KLHL21: variants seen among roughly 807,000 people sequenced by gnomAD.
The protein encoded by KLHL21 is kelch-like protein 21.
A neutral mutation model predicts 44.1 loss-of-function variants in KLHL21; 42 were observed. That is an observed-to-expected ratio of 0.95 (90% confidence interval 0.74 to 1.23). The LOEUF (loss-of-function observed/expected upper bound fraction) is 1.23. Ranked by LOEUF, KLHL21 falls within the 50% of genes most tolerant of loss-of-function variation. KLHL21 has a pLI of 0.00. For missense variants in KLHL21, 918 were observed against 889.1 expected (o/e 1.03, Z -0.41); for synonymous variants, 524 against 411.6 (o/e 1.27, Z -3.31).
chr1:6,598,080 AG>A (rs1357891446), intron 2 of KLHL21, among the ~76,000 whole-genome samples: 4 of 152,250 alleles, frequency 2.6e-5, no homozygotes, highest in African/African-American at 9.6e-5. Flanking sequence ...AAATCGCTTA[AG>A]AAAGCCTGGG....
chr1:6,594,616 G>C (rs901550673), intron 3 of KLHL21: 7 of 152,230 alleles, frequency 4.6e-5, no homozygotes, highest in African/African-American at 1.7e-4. Flanking sequence ...TGAGGCGGGA[G>C]AATGGCGTGA....
Position 6,593,102 on chromosome 1 carries a change from G to A in KLHL21, c.*263C>T, listed in dbSNP as rs1047786798. The A allele has an allele frequency of 4.7e-5, 23 of 493,794 alleles. No individual in the cohort carries two copies. The highest frequency in any genetic ancestry group is 4.4e-5 in the Non-Finnish European group (12 of 275,158). 30.6% of individuals were successfully genotyped at this position (493,794 alleles called of 1,614,324 possible). Reference sequence around the variant, plus strand: ...TGGGTGAGCTGTGATCCGCGGGGTGGGGGTGACCTCCAAGACCCAGAAACA... The same window carrying A: ...TGGGTGAGCTGTGATCCGCGGGGTGAGGGTGACCTCCAAGACCCAGAAACA... On this transcript the variant is annotated 3_prime_UTR_variant, in exon 4 of 4. Coordinates refer to ENST00000377658, the MANE Select transcript of KLHL21 (RefSeq NM_014851.4).
chr1:6,602,847 G>A lies in KLHL21; in HGVS notation c.-30C>T, dbSNP rs1242458426. On this transcript the variant is annotated 5_prime_UTR_variant, in exon 1 of 4. Coordinates refer to ENST00000377658, the MANE Select transcript of KLHL21 (RefSeq NM_014851.4). ...CCTTCGATAGGTTGTCGAGGACGCC[G>A]CGGCCGGGGCCTGCGGAGAGACGCG... is the stretch of plus-strand genomic sequence containing the variant. 2.1e-6 allele frequency: 3 copies of A among 1,397,196 alleles called. No individual in the cohort carries two copies. The highest frequency in any genetic ancestry group is 2.8e-6 in the Non-Finnish European group (3 of 1,085,066). The allele number at this position is 1,397,196 out of a possible 1,614,324, so 86.5% of individuals were successfully genotyped here.
At chr1:6,596,983 G>A (rs114217941) in intron 2 of KLHL21, among the ~76,000 whole-genome samples, 4,960 of 152,300 alleles carry the variant, frequency 0.033, 280 homozygotes, top group African/African-American at 0.11. Context: ...GCCAAAGTGC[G>A]CAGACAAAGT....
rs910242377 is a variant in KLHL21, at chr1:6,594,997, G to A, written c.1500+488C>T. 4 of 207,328 alleles carry A rather than the reference G, an allele frequency of 1.9e-5. No homozygotes were observed. The South Asian group carries it at 3.9e-4, about 20-fold the overall frequency. 12.8% of individuals were successfully genotyped at this position (207,328 alleles called of 1,614,324 possible). A position where few individuals can be genotyped will look rare whatever the true frequency, so the allele number is the denominator to read the frequency against. Reference sequence around the variant, plus strand: ...ACTGCGAGTCAAGGAGGTGGAGGCTGCAGTGAGCCATGATTGTACCACTGC... The same window carrying A: ...ACTGCGAGTCAAGGAGGTGGAGGCTACAGTGAGCCATGATTGTACCACTGC... On this transcript the variant is annotated intron_variant, in intron 3 of 3. Coordinates refer to ENST00000377658, the MANE Select transcript of KLHL21 (RefSeq NM_014851.4).
In KLHL21 at chr1:6,599,163, C is replaced by T. The variant is rs757388924; in HGVS notation, c.1311G>A (p.Val437=). The part of the protein sequence containing the change: ...IGSLAGKETM[V]MQCYDPDTDL... ...CGGTGTCCGGGTCGTAGCACTGCAT[C>T]ACCATGGTCTCCTTGCCAGCCAGGG... Residue 437 remains valine (V), a synonymous_variant, in exon 2 of 4, where the codon GTG becomes GTA. Coordinates refer to ENST00000377658, the MANE Select transcript of KLHL21 (RefSeq NM_014851.4). 3.7e-6 allele frequency: 6 copies of T among 1,613,972 alleles called. No homozygotes were observed. In the African/African-American group the frequency reaches 6.7e-5, roughly 18 times the overall value.
chr1:6,594,056 A>G, intron 3 of KLHL21: 3 of 1,022,550 alleles, frequency 2.9e-6, no homozygotes, highest in Admixed American at 5.6e-5. Context: ...CTGAACCGCG[A>G]GGCTGGATGA....
Position 6,602,041 on chromosome 1 carries a change from G to A in KLHL21, c.777C>T (p.Asp259=), listed in dbSNP as rs1641030516. 4 of 1,526,676 alleles carry A rather than the reference G, an allele frequency of 2.6e-6. No homozygotes were observed. The highest frequency in any genetic ancestry group is 1.4e-5 in the African/African-American group (1 of 70,768). The allele number at this position is 1,526,676 out of a possible 1,614,324, so 94.6% of individuals were successfully genotyped here. A position where few individuals can be genotyped will look rare whatever the true frequency, so the allele number is the denominator to read the frequency against. The change falls in exon 1 of 4, where the codon GAC becomes GAT. Residue 259 remains aspartate, a synonymous_variant. Coordinates refer to ENST00000377658, the MANE Select transcript of KLHL21 (RefSeq NM_014851.4). ...GGCGGTCGTAGCGCGCCGCCTGGAA[G>A]TCGCGCGCCTCGCGCAGCAGGCGCA... ...PCLRLLREAR[D]FQAARYDRHD...
At chr1:6,595,931 C>T (rs1156311382) in intron 2 of KLHL21, among the ~76,000 whole-genome samples, 1 of 152,188 alleles carries the variant, frequency 6.6e-6, no homozygotes, top group Non-Finnish European at 1.5e-5. Context: ...CACTGTGCAT[C>T]CCCACAGGCC....
In KLHL21 at chr1:6,593,643, T is replaced by C; in HGVS notation, c.1516A>G (p.Ser506Gly). The C allele has an allele frequency of 6.3e-7, 1 of 1,582,004 alleles. No individual in the cohort carries two copies. The highest frequency in any genetic ancestry group is 8.6e-7 in the Non-Finnish European group (1 of 1,160,778). The change falls in exon 4 of 4, where the codon AGC becomes GGC. Residue 506 changes from serine (S) to glycine (G), a missense_variant. Ser to Gly is a moderately conservative substitution (Grantham distance 56, BLOSUM62 0). Coordinates refer to ENST00000377658, the MANE Select transcript of KLHL21 (RefSeq NM_014851.4). ...AGCTTCCCCCCAAGGACGGCCAGGC[T>C]GCCCCCCACATGTACCTGTGGGCCA... ...PSMNQVHVGG[S>G]LAVLGGKLYV...
intron 1 of KLHL21, among the ~76,000 whole-genome samples, chr1:6,600,704 G>A (rs904282135): frequency 6.6e-6 from 1 of 152,206 alleles, no homozygotes; most frequent in Non-Finnish European, 1.5e-5. Flanking sequence ...AGAAAGCTGG[G>A]GCCAGTGTGG....
Position 6,602,364 on chromosome 1 carries a change from C to T in KLHL21, c.454G>A (p.Gly152Arg). The part of the protein sequence containing the change: ...QDFAEAFSCS[G>R]LASAAQRFIL... ...AACCGCTGCGCCGCGCTCGCCAGTC[C>T]CGAGCAGCTGAAGGCCTCAGCGAAG... The change falls in exon 1 of 4, where the codon GGA becomes AGA. Residue 152 changes from glycine to arginine, a missense_variant. Gly to Arg is a moderately radical substitution (Grantham distance 125). Coordinates refer to ENST00000377658, the MANE Select transcript of KLHL21 (RefSeq NM_014851.4). 1 of 1,579,022 alleles carries T rather than the reference C, an allele frequency of 6.3e-7. No individual in the cohort carries two copies.
rs1640875489 is a variant in KLHL21 at position 6,593,170 on chromosome 1, C to T, written c.*195G>A. The T allele has an allele frequency of 8.8e-6, 5 of 567,284 alleles. No homozygotes were observed. The highest frequency in any genetic ancestry group is 8.6e-5 in the South Asian group (3 of 35,076). 35.1% of individuals were successfully genotyped at this position (567,284 alleles called of 1,614,324 possible). A position where few individuals can be genotyped will look rare whatever the true frequency, so the allele number is the denominator to read the frequency against. Reference sequence around the variant, plus strand: ...GGCTCTTCCTCAACTGCAGGGAGGGCGTTCCCGACGGCCTCTGATTCAGGC... The same window carrying T: ...GGCTCTTCCTCAACTGCAGGGAGGGTGTTCCCGACGGCCTCTGATTCAGGC... On this transcript the variant is annotated 3_prime_UTR_variant, in exon 4 of 4. Coordinates refer to ENST00000377658, the MANE Select transcript of KLHL21 (RefSeq NM_014851.4).
chr1:6,593,254 G>C lies in KLHL21; in HGVS notation c.*111C>G. The C allele has an allele frequency of 1.6e-6, 2 of 1,214,220 alleles. No individual in the cohort carries two copies. The highest frequency in any genetic ancestry group is 2.3e-6 in the Non-Finnish European group (2 of 882,888). The allele number at this position is 1,214,220 out of a possible 1,614,324, so 75.2% of individuals were successfully genotyped here. On this transcript the variant is annotated 3_prime_UTR_variant, in exon 4 of 4. Coordinates refer to ENST00000377658, the MANE Select transcript of KLHL21 (RefSeq NM_014851.4). ...CCTGGGCTGGCTTCGCCACCCAAGAGCCTGTGCTCCTCCTGTGAGCCCAAC... is the reference window on the plus strand; with the variant it reads ...CCTGGGCTGGCTTCGCCACCCAAGACCCTGTGCTCCTCCTGTGAGCCCAAC...
chr1:6,599,567 T>G (rs1194569035), intron 1 of KLHL21, 115 bp from the exon 2 acceptor site: 24 of 1,127,990 alleles, frequency 2.1e-5, no homozygotes, highest in Non-Finnish European at 2.8e-5. Flanking sequence ...TCACTGGGCT[T>G]CACCCCAGAC....
At position 6,590,884 on chromosome 1, in the gene KLHL21, T is replaced by G; in HGVS notation, c.*2481A>C. The stretch of plus-strand genomic sequence containing the variant: ...GTGGACACTGGAGGGAGGGCGTCCT[T>G]TATTACATACGCGTCTCTGAAGTCA... On this transcript the variant is annotated 3_prime_UTR_variant, in exon 4 of 4. Transcript: ENST00000377658. The G allele has an allele frequency of 2.5e-6, 1 of 398,592 alleles. No individual in the cohort carries two copies. The allele number at this position is 398,592 out of a possible 1,614,324, so 24.7% of individuals were successfully genotyped here.
chr1:6,591,168 G>A lies in KLHL21; in HGVS notation c.*2197C>T. The A allele has an allele frequency of 2.5e-6, 1 of 396,166 alleles. No individual in the cohort carries two copies. Among genetic ancestry groups the A allele is most frequent in the Non-Finnish European group, 4.4e-6 (1 of 225,046 alleles). 24.5% of individuals were successfully genotyped at this position (396,166 alleles called of 1,614,324 possible). ...CCCAGCTGGTGTCCACAGGCTAGAG[G>A]GACCCATTGCTGCAGAGGCTGGTGC... On this transcript the variant is annotated 3_prime_UTR_variant, in exon 4 of 4. Transcript: ENST00000377658.
At chr1:6,595,666 G>T in intron 2 of KLHL21, 109 bp from the exon 3 acceptor site, 1 of 875,422 alleles carries the variant, frequency 1.1e-6, no homozygotes, top group Non-Finnish European at 1.8e-6. Context: ...CAGTGACCTG[G>T]ATCTTTCTGA....
Position 6,601,859 on chromosome 1 carries a change from A to G in KLHL21, c.959T>C (p.Phe320Ser). Residue 320 changes from phenylalanine to serine, a missense_variant, in exon 1 of 4, where the codon TTC becomes TCC. Physicochemically the swap from Phe to Ser is radical, Grantham distance 155. Transcript: ENST00000377658. ...GTAGCCTCCGCCCAGGTGGTCTGGGAACTCGGCCAGGTAGCGCCACTGACC... is the reference window on the plus strand; with the variant it reads ...GTAGCCTCCGCCCAGGTGGTCTGGGGACTCGGCCAGGTAGCGCCACTGACC... The part of the protein sequence containing the change: ...QTGQWRYLAE[F>S]PDHLGGGYSI... 6.3e-7 allele frequency: 1 copy of G among 1,579,772 alleles called. No individual in the cohort carries two copies. The highest frequency in any genetic ancestry group is 1.2e-5 in the South Asian group (1 of 86,262).
Sources: allele counts gnomAD v4.1 joint callset (sites outside exome capture counted in the v4.1 genomes callset), GRCh38; gene constraint gnomAD v4.1.1; transcripts MANE v1.5; gene names NCBI Gene and HGNC (gene_info 2026-07-23, HGNC 2026-07-21).